Variants in MYO16 observed in about 807,000 individuals in gnomAD.
The protein encoded by MYO16 is unconventional myosin-XVI.
MYO16 carries 94 observed loss-of-function variants against 205.3 expected under a neutral mutation model. That is an observed-to-expected ratio of 0.46 (90% CI 0.39 to 0.54). MYO16 has a LOEUF of 0.54. MYO16 is among the 20% of genes least tolerant of loss of function. The pLI, the probability that MYO16 is intolerant of heterozygous loss-of-function variation, is 0.00. For synonymous variants in MYO16, 988 were observed against 954.0 expected (o/e 1.04, Z -0.66); for missense variants, 2,315 against 2,387.5 (o/e 0.97, Z 0.63).
chr13:109,165,688 T>C (rs993715188), intron 33 of MYO16, among the ~76,000 whole-genome samples: 3 of 152,194 alleles, frequency 2.0e-5, no homozygotes, highest in African/African-American at 7.2e-5. Context: ...TGGGAAGCAG[T>C]TGAAGACCTG....
chr13:108,837,902 C>T lies in MYO16; in HGVS notation c.1098-6441C>T, dbSNP rs758853072. On this transcript the variant is annotated intron_variant, in intron 9 of 34. Transcript: ENST00000457511. ...TACTTCATAAACTATCTTCTTTGTT[C>T]GTAGCTTGACCAATCTACTCTTTTA... Among the ~76,000 whole-genome samples the T allele has an allele frequency of 7.9e-5, 12 of 152,108 alleles. No individual in the cohort carries two copies. In the South Asian group the frequency reaches 1.0e-3, roughly 13 times the overall value.
chr13:108,825,808 A>T (rs1876230441), intron 9 of MYO16, among the ~76,000 whole-genome samples: 1 of 150,586 alleles, frequency 6.6e-6, no homozygotes, highest in Admixed American at 6.7e-5. Context: ...TTCAAAAATG[A>T]GATTGAAAAC....
intron 12 of MYO16, among the ~76,000 whole-genome samples, chr13:108,881,507 G>A (rs78076282): frequency 6.6e-6 from 1 of 152,192 alleles, no homozygotes; most frequent in Non-Finnish European, 1.5e-5. Context: ...CGAGCTAAAG[G>A]AGGATGTTGG....
chr13:108,558,375 T>A, the MYO16 span, among the ~76,000 whole-genome samples: 2 of 152,226 alleles, frequency 1.3e-5, no homozygotes, highest in African/African-American at 4.8e-5. Flanking sequence ...AGAGGCATCA[T>A]CTTTGCCATG....
At chr13:108,600,948 GA>G (rs1357571167) in intron 1 of MYO16, among the ~76,000 whole-genome samples, 1 of 151,650 alleles carries the variant, frequency 6.6e-6, no homozygotes, top group African/African-American at 2.4e-5. Context: ...TCCTCATGAA[GA>G]TTTTTTTTTA....
At chr13:108,838,872 T>C (rs1877089024) in intron 9 of MYO16, among the ~76,000 whole-genome samples, 4 of 151,864 alleles carry the variant, frequency 2.6e-5, no homozygotes, top group Admixed American at 2.6e-4. Flanking sequence ...CTATGAATGA[T>C]GAATGAAGTT....
chr13:109,191,394 A>T (rs1879908043), intron 34 of MYO16, among the ~76,000 whole-genome samples: 1 of 152,312 alleles, frequency 6.6e-6, no homozygotes, highest in South Asian at 2.1e-4. Flanking sequence ...ATATTTAAGT[A>T]AAATATGTAA....
chr13:108,898,028 T>A lies in MYO16; in HGVS notation c.1672T>A (p.Leu558Ile), dbSNP rs1880514354. 1 of 1,613,116 alleles carries A rather than the reference T, an allele frequency of 6.2e-7. No individual in the cohort carries two copies. Among genetic ancestry groups the A allele is most frequent in the African/African-American group, 1.3e-5 (1 of 74,914 alleles). ...DSRFKHVVCI[L>I]EAFGHAKTTL... ...TCCTCTCCCACAGGTCGTGTGCATC[T>A]TAGAAGCCTTTGGACATGCCAAGAC... The change falls in exon 15 of 35, where the codon TTA becomes ATA. Residue 558 changes from leucine (L) to isoleucine (I), a missense_variant. Around this residue, in one of 3 missense-constraint regions of MYO16, gnomAD observed 1,213 missense variants for 1,274.4 expected, o/e 0.95. Transcript: ENST00000457511.
intron 23 of MYO16, among the ~76,000 whole-genome samples, chr13:109,040,417 A>G (rs1028770588): frequency 2.5e-4 from 20 of 79,704 alleles, no homozygotes; most frequent in Non-Finnish European, 4.6e-4. Context: ...GAGAGAGAGA[A>G]AATTAAAAAC....
chr13:108,749,509 C>T (rs1233413375), intron 4 of MYO16, among the ~76,000 whole-genome samples: 1 of 152,130 alleles, frequency 6.6e-6, no homozygotes, highest in African/African-American at 2.4e-5. Flanking sequence ...AATAAGCATA[C>T]CAAAAGATGC....
the MYO16 span, among the ~76,000 whole-genome samples, chr13:108,534,046 T>C: frequency 2.6e-5 from 4 of 152,226 alleles, no homozygotes; most frequent in Non-Finnish European, 5.9e-5. Context: ...AGCTAATTAC[T>C]ATAATCATTA....
At chr13:108,543,550 G>A in the MYO16 span, among the ~76,000 whole-genome samples, 1 of 149,624 alleles carries the variant, frequency 6.7e-6, no homozygotes, top group Non-Finnish European at 1.5e-5. Flanking sequence ...GCTGAGGAAG[G>A]AGAATGGCGT....
chr13:108,845,450 C>T (rs1328168229), intron 10 of MYO16, among the ~76,000 whole-genome samples: 2 of 152,054 alleles, frequency 1.3e-5, no homozygotes, highest in Non-Finnish European at 2.9e-5. Flanking sequence ...CTTCCCACTG[C>T]TGTGTCCTTG....
intron 16 of MYO16, among the ~76,000 whole-genome samples, chr13:108,915,351 A>G (rs1881449500): frequency 6.6e-6 from 1 of 152,244 alleles, no homozygotes; most frequent in Non-Finnish European, 1.5e-5. Context: ...GTCAGACGAG[A>G]AAAACAAAAC....
intron 12 of MYO16, among the ~76,000 whole-genome samples, chr13:108,882,293 C>T (rs1257592993): frequency 6.6e-6 from 1 of 152,162 alleles, no homozygotes; most frequent in East Asian, 1.9e-4. Context: ...TCAGTAATGC[C>T]CATAGAGCTA....
At chr13:109,202,603 T>G (rs1337189916) in intron 34 of MYO16, among the ~76,000 whole-genome samples, 1 of 152,162 alleles carries the variant, frequency 6.6e-6, no homozygotes, top group East Asian at 1.9e-4. Flanking sequence ...ATGGGTAGAA[T>G]CAACATTGTG....
At chr13:109,038,319 T>C (rs150876882) in intron 23 of MYO16, among the ~76,000 whole-genome samples, 1 of 152,216 alleles carries the variant, frequency 6.6e-6, no homozygotes, top group African/African-American at 2.4e-5. Context: ...TTGCCCTCGC[T>C]AGCTTCAAGT....
intron 16 of MYO16, among the ~76,000 whole-genome samples, chr13:108,947,178 T>C (rs527854324): frequency 6.6e-5 from 10 of 152,330 alleles, no homozygotes; most frequent in African/African-American, 1.7e-4. Context: ...AAGATGCCTA[T>C]GTTAGTCGGT....
intron 17 of MYO16, among the ~76,000 whole-genome samples, chr13:108,959,962 T>C (rs1257943506): frequency 1.4e-5 from 2 of 147,012 alleles, no homozygotes; most frequent in Non-Finnish European, 3.0e-5. Flanking sequence ...TCATGAAGAC[T>C]AATTGATTTA....
Sources: gnomAD v4.1 joint callset for allele counts (sites outside exome capture counted in the v4.1 genomes callset) on GRCh38, gnomAD v4.1.1 for gene constraint, gnomAD v4.1.1 regional missense constraint, MANE v1.5 for transcripts, NCBI Gene and HGNC (gene_info 2026-07-23, HGNC 2026-07-21) for gene names.